NHLRC1: variants seen among roughly 807,000 people sequenced by gnomAD.
The protein encoded by NHLRC1 is E3 ubiquitin-protein ligase NHLRC1.
NHLRC1 carries 10 observed loss-of-function variants against 14.6 expected under a neutral mutation model. That is an observed-to-expected ratio of 0.69 (90% CI 0.42 to 1.17). The LOEUF (loss-of-function observed/expected upper bound fraction) is 1.17, where lower values mean the gene tolerates loss of function less well. NHLRC1 is among the 50% of genes most tolerant of loss of function. The pLI, the probability that NHLRC1 is intolerant of heterozygous loss-of-function variation, is 0.00. For missense variants in NHLRC1, 526 were observed against 522.9 expected, an observed-to-expected ratio of 1.01 and a Z score of -0.06; for synonymous variants, 231 against 224.0, an observed-to-expected ratio of 1.03 and a Z score of -0.28.
chr6:18,121,604 C>T lies in NHLRC1; in HGVS notation c.1003G>A (p.Val335Ile), dbSNP rs1447142677. 6.2e-7 allele frequency: 1 copy of T among 1,614,228 alleles called. No individual in the cohort carries two copies. The highest frequency in any genetic ancestry group is 1.7e-5 in the Admixed American group (1 of 60,032). Residue 335 changes from valine to isoleucine, a missense_variant, in exon 1 of 1, where the codon GTT becomes ATT. By Grantham distance (29) the Val-to-Ile change is conservative. Transcript: ENST00000340650. This position sits in a 1 kb window ranked among gnomAD's most constrained non-coding sequence, Gnocchi z 4.7. ...VTFDHQGNVIVADTSGPAILC... is the reference protein window; with the variant it reads ...VTFDHQGNVIIADTSGPAILC... ...ATAGCTGGACCAGATGTATCTGCAA[C>T]AATCACATTTCCCTGGTGATCAAAG...
In NHLRC1 at chr6:18,121,342, A is replaced by C; in HGVS notation, c.*77T>G. 9.1e-7 allele frequency: 1 copy of C among 1,096,214 alleles called. No individual in the cohort carries two copies. The highest frequency in any genetic ancestry group is 1.4e-6 in the Non-Finnish European group (1 of 721,404). 67.9% of individuals were successfully genotyped at this position (1,096,214 alleles called of 1,614,324 possible). On this transcript the variant is annotated 3_prime_UTR_variant, in exon 1 of 1. Transcript: ENST00000340650. This position sits in a 1 kb window ranked among gnomAD's most constrained non-coding sequence, Gnocchi z 4.7. ...TATCCCTGCCTGGATAGATGAGTTT[A>C]AGTGACTTATCCAGGGTTAAACAAT...
Position 18,121,627 on chromosome 6 carries a change from A to C in NHLRC1, c.980T>G (p.Phe327Cys), listed in dbSNP as rs746839446. Residue 327 changes from phenylalanine to cysteine, a missense_variant, in exon 1 of 1, where the codon TTT becomes TGT. Coordinates refer to ENST00000340650, the MANE Select transcript of NHLRC1 (RefSeq NM_198586.3). This position sits in a 1 kb window ranked among gnomAD's most constrained non-coding sequence, Gnocchi z 4.7. ...PSKITASAVT[F>C]DHQGNVIVAD... ...AACAATCACATTTCCCTGGTGATCA[A>C]AGGTCACAGCGGAGGCAGTTATTTT... The C allele has an allele frequency of 6.2e-7, 1 of 1,614,212 alleles. No homozygotes were observed. The highest frequency in any genetic ancestry group is 8.5e-7 in the Non-Finnish European group (1 of 1,180,038).
Position 18,122,316 on chromosome 6 carries a change from A to G in NHLRC1, c.291T>C (p.Leu97=). ...CGCGATGGGCGGCCGGGGACTGGCG[A>G]AGCGCTGAGCCCAGGAGCTCTATGA... is the stretch of plus-strand genomic sequence containing the variant. ...LHLIELLGSA[L]RQSPAAHRAA... Residue 97 remains leucine, a synonymous_variant, in exon 1 of 1, where the codon CTT becomes CTC. Coordinates refer to ENST00000340650, the MANE Select transcript of NHLRC1 (RefSeq NM_198586.3). 1.3e-6 allele frequency: 2 copies of G among 1,584,170 alleles called. No homozygotes were observed. Among genetic ancestry groups the G allele is most frequent in the Non-Finnish European group, 1.7e-6 (2 of 1,172,610 alleles).
rs1203042463 is a variant in NHLRC1 at position 18,121,643 on chromosome 6, C to T, written c.964G>A (p.Ala322Thr). Residue 322 changes from alanine to threonine, a missense_variant, in exon 1 of 1, where the codon GCC (alanine) becomes ACC (threonine). Physicochemically the swap from Ala to Thr is moderately conservative, Grantham distance 58. Coordinates refer to ENST00000340650, the MANE Select transcript of NHLRC1 (RefSeq NM_198586.3). This position sits in a 1 kb window ranked among gnomAD's most constrained non-coding sequence, Gnocchi z 4.7. ...LSLYFPSKIT[A>T]SAVTFDHQGN... is the part of the protein sequence containing the mutation. ...TGGTGATCAAAGGTCACAGCGGAGG[C>T]AGTTATTTTGGAGGGAAAGTAGAGG... is the stretch of plus-strand genomic sequence containing the variant. 1 of 1,614,140 alleles carries T rather than the reference C, an allele frequency of 6.2e-7. No homozygotes were observed. Among genetic ancestry groups the T allele is most frequent in the South Asian group, 1.1e-5 (1 of 91,086 alleles).
chr6:18,122,031 G>A lies in NHLRC1; in HGVS notation c.576C>T (p.Asp192=). The change falls in exon 1 of 1, where the codon GAC becomes GAT. Residue 192 remains aspartate (D), a synonymous_variant. Transcript: ENST00000340650. ...ITNDCHVVVT[D]AGDRSIKVFD... ...ACACTTTGATGGAGCGATCGCCGGC[G>A]TCAGTGACAACCACATGGCAGTCGT... 2 of 1,614,216 alleles carry A rather than the reference G, an allele frequency of 1.2e-6. No individual in the cohort carries two copies. Among genetic ancestry groups the A allele is most frequent in the Non-Finnish European group, 1.7e-6 (2 of 1,180,040 alleles).
Position 18,122,289 on chromosome 6 carries a change from G to A in NHLRC1, c.318C>T (p.Ala106=), listed in dbSNP as rs2150703205. 2 of 1,595,688 alleles carry A rather than the reference G, an allele frequency of 1.3e-6. No individual in the cohort carries two copies. Among genetic ancestry groups the A allele is most frequent in the South Asian group, 1.1e-5 (1 of 90,640 alleles). Residue 106 remains alanine (A), a synonymous_variant, in exon 1 of 1, where the codon GCC becomes GCT. Transcript: ENST00000340650. ...ALRQSPAAHR[A]APSAPGALTC... is the part of the protein sequence containing the mutation. ...TGAGGGCTCCGGGGGCGCTGGGGGC[G>A]GCGCGATGGGCGGCCGGGGACTGGC...
chr6:18,122,127 G>A lies in NHLRC1; in HGVS notation c.480C>T (p.Cys160=), dbSNP rs759502412. The change falls in exon 1 of 1, where the codon TGC becomes TGT. Residue 160 remains cysteine, a synonymous_variant. Coordinates refer to ENST00000340650, the MANE Select transcript of NHLRC1 (RefSeq NM_198586.3). The stretch of plus-strand genomic sequence containing the variant: ...CCCCCTTCTCTCCAAACTGATGCGC[G>A]CATCCTCCCCCTGAGTCAAAAATCT... ...RVKIFDSGGG[C]AHQFGEKGDA... 3.1e-6 allele frequency: 5 copies of A among 1,613,924 alleles called. No homozygotes were observed. Among genetic ancestry groups the A allele is most frequent in the Non-Finnish European group, 3.4e-6 (4 of 1,180,012 alleles).
In NHLRC1 at chr6:18,122,425, G is replaced by T. The variant is rs1783757283; in HGVS notation, c.182C>A (p.Pro61Gln). The T allele has an allele frequency of 2.5e-6, 4 of 1,590,668 alleles. No homozygotes were observed. The highest frequency in any genetic ancestry group is 3.4e-6 in the Non-Finnish European group (4 of 1,176,572). The change falls in exon 1 of 1, where the codon CCG becomes CAG. Residue 61 changes from proline (P) to glutamine (Q), a missense_variant. Pro to Gln is a moderately conservative substitution (Grantham distance 76). Transcript: ENST00000340650. ...TGGGCACTCGAGGGCCAGAGTGCGC[G>T]GGTGCGCCAGGGCGGCCACGCAGGC... The part of the protein sequence containing the change: ...CLACVAALAH[P>Q]RTLALECPFC...
rs1783741262 is a variant in NHLRC1 at position 18,121,882 on chromosome 6, A to G, written c.725T>C (p.Leu242Pro). 1.9e-6 allele frequency: 3 copies of G among 1,614,052 alleles called. No homozygotes were observed. Among genetic ancestry groups the G allele is most frequent in the Admixed American group, 1.7e-5 (1 of 59,996 alleles). The stretch of plus-strand genomic sequence containing the variant: ...GACCCCTTCCGCGAAGTCGACGTCC[A>G]GGAGGTGCAGGGACCCTGCCTCCGC... Reference protein sequence around the residue: ...TDAEAGSLHLLDVDFAEGVLR... With the variant: ...TDAEAGSLHLPDVDFAEGVLR... Residue 242 changes from leucine (L) to proline (P), a missense_variant, in exon 1 of 1, where the codon CTG (leucine) becomes CCG (proline). By Grantham distance (98) the Leu-to-Pro change is moderately conservative (BLOSUM62 -3). Transcript: ENST00000340650. This position sits in a 1 kb window ranked among gnomAD's most constrained non-coding sequence, Gnocchi z 4.7.
Position 18,121,743 on chromosome 6 carries a change from C to T in NHLRC1, c.864G>A (p.Gly288=). The T allele has an allele frequency of 5.6e-6, 9 of 1,614,050 alleles. No homozygotes were observed. Among genetic ancestry groups the T allele is most frequent in the Non-Finnish European group, 7.6e-6 (9 of 1,180,020 alleles). ...ACACTTTCACCCTGGTGCTGCAAACCCCAGTCCCCAGGGCCAGGGGGTGCT... is the reference window on the plus strand; with the variant it reads ...ACACTTTCACCCTGGTGCTGCAAACTCCAGTCCCCAGGGCCAGGGGGTGCT... The part of the protein sequence containing the change: ...VLEHPLALGT[G]VCSTRVKVFS... Residue 288 remains glycine, a synonymous_variant, in exon 1 of 1, where the codon GGG becomes GGA. Transcript: ENST00000340650. This position sits in a 1 kb window ranked among gnomAD's most constrained non-coding sequence, Gnocchi z 4.7.
In NHLRC1 at chr6:18,121,078, A is replaced by T. The variant is rs1214391374; in HGVS notation, c.*341T>A. 3.3e-6 allele frequency: 1 copy of T among 305,212 alleles called. No homozygotes were observed. The highest frequency in any genetic ancestry group is 6.3e-6 in the Non-Finnish European group (1 of 159,870). 18.9% of individuals were successfully genotyped at this position (305,212 alleles called of 1,614,324 possible). A position where few individuals can be genotyped will look rare whatever the true frequency, so the allele number is the denominator to read the frequency against. ...CCAGCTACTTGGGAGGCTGAGGTGG[A>T]AGGACCACCTGAGCGGGGGACGTTG... On this transcript the variant is annotated 3_prime_UTR_variant, in exon 1 of 1. Coordinates refer to ENST00000340650, the MANE Select transcript of NHLRC1 (RefSeq NM_198586.3). This position sits in a 1 kb window ranked among gnomAD's most constrained non-coding sequence, Gnocchi z 4.7.
rs1336736190 is a variant in NHLRC1, at chr6:18,121,756, G to T, written c.851C>A (p.Ala284Asp). 1.9e-6 allele frequency: 3 copies of T among 1,613,900 alleles called. No individual in the cohort carries two copies. The East Asian group carries it at 6.7e-5, about 36-fold the overall frequency. ...GAIAVLEHPL[A>D]LGTGVCSTRV... ...GGTGCTGCAAACCCCAGTCCCCAGG[G>T]CCAGGGGGTGCTCCAGGACCGCAAT... The change falls in exon 1 of 1, where the codon GCC becomes GAC. Residue 284 changes from alanine to aspartate, a missense_variant. Ala to Asp is a moderately radical substitution (Grantham distance 126). Transcript: ENST00000340650. This position sits in a 1 kb window ranked among gnomAD's most constrained non-coding sequence, Gnocchi z 4.7.
chr6:18,121,787 C>T lies in NHLRC1; in HGVS notation c.820G>A (p.Gly274Arg), dbSNP rs568213488. The part of the protein sequence containing the change: ...PRGVAVSWLT[G>R]AIAVLEHPLA... ...GGGTGCTCCAGGACCGCAATGGCCCCGGTGAGCCAAGACACTGCCACCCCT... is the reference window on the plus strand; with the variant it reads ...GGGTGCTCCAGGACCGCAATGGCCCTGGTGAGCCAAGACACTGCCACCCCT... Residue 274 changes from glycine (G) to arginine (R), a missense_variant, in exon 1 of 1, where the codon GGG becomes AGG. Gly to Arg is a moderately radical substitution (Grantham distance 125, BLOSUM62 -2). Transcript: ENST00000340650. This position sits in a 1 kb window ranked among gnomAD's most constrained non-coding sequence, Gnocchi z 4.7. 1.9e-6 allele frequency: 3 copies of T among 1,613,936 alleles called. No individual in the cohort carries two copies. Among genetic ancestry groups the T allele is most frequent in the African/African-American group, 1.3e-5 (1 of 74,920 alleles).
Position 18,122,040 on chromosome 6 carries a change from A to G in NHLRC1, c.567T>C (p.Val189=). 3 of 1,614,234 alleles carry G rather than the reference A, an allele frequency of 1.9e-6. No homozygotes were observed. The highest frequency in any genetic ancestry group is 1.1e-5 in the South Asian group (1 of 91,092). ...DVTITNDCHV[V]VTDAGDRSIK... is the part of the protein sequence containing the mutation. ...TGGAGCGATCGCCGGCGTCAGTGAC[A>G]ACCACATGGCAGTCGTTGGTGATGG... Residue 189 remains valine (V), a synonymous_variant, in exon 1 of 1, where the codon GTT becomes GTC. Coordinates refer to ENST00000340650, the MANE Select transcript of NHLRC1 (RefSeq NM_198586.3).
Position 18,121,896 on chromosome 6 carries a change from C to A in NHLRC1, c.711G>T (p.Gly237=), listed in dbSNP as rs1406426134. 4 of 1,614,186 alleles carry A rather than the reference C, an allele frequency of 2.5e-6. No homozygotes were observed. Among genetic ancestry groups the A allele is most frequent in the Admixed American group, 3.3e-5 (2 of 60,026 alleles). Reference sequence around the variant, plus strand: ...AGTCGACGTCCAGGAGGTGCAGGGACCCTGCCTCCGCATCAGTTACCACAA... The same window carrying A: ...AGTCGACGTCCAGGAGGTGCAGGGAACCTGCCTCCGCATCAGTTACCACAA... The part of the protein sequence containing the change: ...NGIVVTDAEA[G]SLHLLDVDFA... Residue 237 remains glycine, a synonymous_variant, in exon 1 of 1, where the codon GGG becomes GGT. Coordinates refer to ENST00000340650, the MANE Select transcript of NHLRC1 (RefSeq NM_198586.3). The surrounding 1 kb of genome is among the most constrained non-coding windows in gnomAD (Gnocchi z 4.7).
Position 18,121,847 on chromosome 6 carries a change from T to C in NHLRC1, c.760A>G (p.Thr254Ala), listed in dbSNP as rs1783740401. 1 of 1,613,874 alleles carries C rather than the reference T, an allele frequency of 6.2e-7. No homozygotes were observed. The highest frequency in any genetic ancestry group is 1.7e-5 in the Admixed American group (1 of 59,976). ...VDFAEGVLRR[T>A]ERLQAHLCNP... is the part of the protein sequence containing the mutation. Reference sequence around the variant, plus strand: ...CACAGATGAGCTTGCAACCTTTCAGTTCTCCGAAGGACCCCTTCCGCGAAG... The same window carrying C: ...CACAGATGAGCTTGCAACCTTTCAGCTCTCCGAAGGACCCCTTCCGCGAAG... The change falls in exon 1 of 1, where the codon ACT becomes GCT. Residue 254 changes from threonine (T) to alanine (A), a missense_variant. Thr to Ala is a moderately conservative substitution (Grantham distance 58). Transcript: ENST00000340650. The surrounding 1 kb of genome is among the most constrained non-coding windows in gnomAD (Gnocchi z 4.7).
chr6:18,121,581 A>G lies in NHLRC1; in HGVS notation c.1026T>C (p.Ala342=), dbSNP rs756591398. ...NVIVADTSGP[A]ILCLGKPEEF... Reference sequence around the variant, plus strand: ...CCTCAGGTTTTCCTAAGCAAAGGATAGCTGGACCAGATGTATCTGCAACAA... The same window carrying G: ...CCTCAGGTTTTCCTAAGCAAAGGATGGCTGGACCAGATGTATCTGCAACAA... Residue 342 remains alanine (A), a synonymous_variant, in exon 1 of 1, where the codon GCT becomes GCC. Coordinates refer to ENST00000340650, the MANE Select transcript of NHLRC1 (RefSeq NM_198586.3). This position sits in a 1 kb window ranked among gnomAD's most constrained non-coding sequence, Gnocchi z 4.7. 6.2e-7 allele frequency: 1 copy of G among 1,614,256 alleles called. No homozygotes were observed. Among genetic ancestry groups the G allele is most frequent in the South Asian group, 1.1e-5 (1 of 91,088 alleles).
chr6:18,120,717 C>T lies in NHLRC1; in HGVS notation c.*702G>A, dbSNP rs1179347417. On this transcript the variant is annotated 3_prime_UTR_variant, in exon 1 of 1. Transcript: ENST00000340650. Reference sequence around the variant, plus strand: ...AGACAGTACACATAGCAACACTACACATTCACATATTTTTCCCACATCTGT... The same window carrying T: ...AGACAGTACACATAGCAACACTACATATTCACATATTTTTCCCACATCTGT... 1 of 152,948 alleles carries T rather than the reference C, an allele frequency of 6.5e-6. No individual in the cohort carries two copies. Among genetic ancestry groups the T allele is most frequent in the African/African-American group, 2.4e-5 (1 of 41,462 alleles). 9.5% of individuals were successfully genotyped at this position (152,948 alleles called of 1,614,324 possible).
rs1161024300 is a variant in NHLRC1, at chr6:18,122,484, C to G, written c.123G>C (p.Pro41=). Residue 41 remains proline (P), a synonymous_variant, in exon 1 of 1, where the codon CCG becomes CCC. Transcript: ENST00000340650. ...EKFGHRQQRR[P]RNLSCGHVVC... ...CCACGTGGCCGCAGGACAGGTTGCG[C>G]GGGCGCCGCTGCTGCCGGTGGCCAA... The G allele has an allele frequency of 6.3e-7, 1 of 1,596,996 alleles. No homozygotes were observed. The highest frequency in any genetic ancestry group is 1.7e-5 in the Admixed American group (1 of 59,984).
Sources: allele counts gnomAD v4.1 joint callset, GRCh38; gene constraint gnomAD v4.1.1; non-coding constraint Gnocchi (gnomAD v3.1); transcripts MANE v1.5; gene names NCBI Gene and HGNC (gene_info 2026-07-23, HGNC 2026-07-21).